The following GRID1 variants were observed in gnomAD, a reference collection of about 807,000 sequenced individuals.
GRID1 encodes the protein glutamate receptor ionotropic, delta-1.
A neutral mutation model predicts 98.0 loss-of-function variants in GRID1; 28 were observed. That is an observed-to-expected ratio of 0.29 (90% CI 0.21 to 0.39). The LOEUF (loss-of-function observed/expected upper bound fraction) is 0.39. Among genes scored for constraint, GRID1 ranks in the 10% least tolerant of loss-of-function variants. GRID1 has a pLI of 1.00. For missense variants in GRID1, 1,111 were observed against 1,340.5 expected, an observed-to-expected ratio of 0.83 and a Z score of 2.67; for synonymous variants, 553 against 538.5, an observed-to-expected ratio of 1.03 and a Z score of -0.37.
intron 2 of GRID1, among the ~76,000 whole-genome samples, chr10:86,267,560 G>T (rs1847122998): frequency 6.6e-6 from 1 of 152,230 alleles, no homozygotes; most frequent in Non-Finnish European, 1.5e-5. Context: ...ATGCAGCCTA[G>T]AGCCACCCAG....
chr10:85,731,086 G>T (rs1185941225), intron 8 of GRID1, among the ~76,000 whole-genome samples: 1 of 152,158 alleles, frequency 6.6e-6, no homozygotes, highest in Non-Finnish European at 1.5e-5. Context: ...AGCAGGGTCT[G>T]CACACTAAGC....
At chr10:85,703,484 A>C (rs573078127) in intron 12 of GRID1, among the ~76,000 whole-genome samples, 1 of 152,238 alleles carries the variant, frequency 6.6e-6, no homozygotes, top group South Asian at 2.1e-4. Context: ...GAAACATAGT[A>C]AACTGGGTCG....
At chr10:85,864,519 C>G (rs1843196437) in intron 6 of GRID1, among the ~76,000 whole-genome samples, 1 of 152,228 alleles carries the variant, frequency 6.6e-6, no homozygotes, top group Non-Finnish European at 1.5e-5. Context: ...ACAAAGCCTT[C>G]CCCACTCTCC....
intron 8 of GRID1, among the ~76,000 whole-genome samples, chr10:85,818,314 A>C (rs959968253): frequency 1.3e-5 from 2 of 151,798 alleles, no homozygotes; most frequent in African/African-American, 4.8e-5. Context: ...CTACAAATAT[A>C]CATCTACACA....
chr10:85,777,808 G>A (rs1423471237), intron 8 of GRID1, among the ~76,000 whole-genome samples: 1 of 152,170 alleles, frequency 6.6e-6, no homozygotes, highest in Non-Finnish European at 1.5e-5. Context: ...AGGAATGTTG[G>A]TTACCACAGC....
intron 3 of GRID1, among the ~76,000 whole-genome samples, chr10:86,182,958 T>C (rs1295316954): frequency 6.6e-6 from 1 of 152,174 alleles, no homozygotes; most frequent in East Asian, 1.9e-4. Flanking sequence ...GCAACGGAAT[T>C]TGTTCAACAG....
At chr10:85,902,215 T>G (rs529043315) in intron 5 of GRID1, among the ~76,000 whole-genome samples, 154 of 152,244 alleles carry the variant, frequency 1.0e-3, no homozygotes, top group African/African-American at 3.7e-3. Flanking sequence ...ATACTATAGT[T>G]TTTTCTATCT....
At chr10:85,760,393 G>A (rs1314532060) in intron 8 of GRID1, among the ~76,000 whole-genome samples, 3 of 152,168 alleles carry the variant, frequency 2.0e-5, no homozygotes, top group Admixed American at 6.5e-5. Context: ...TACTTTCTAG[G>A]TTGTTGGGAA....
At chr10:85,666,445 C>T (rs1406220053) in intron 12 of GRID1, among the ~76,000 whole-genome samples, 1 of 152,178 alleles carries the variant, frequency 6.6e-6, no homozygotes, top group Non-Finnish European at 1.5e-5. Flanking sequence ...TGCCATCCCT[C>T]CCACTGGCAG....
At chr10:85,695,324 A>G (rs944261326) in intron 12 of GRID1, among the ~76,000 whole-genome samples, 3 of 152,192 alleles carry the variant, frequency 2.0e-5, no homozygotes, top group Non-Finnish European at 4.4e-5. Context: ...GTGACATGAG[A>G]GAAGTGGGTA....
At chr10:85,665,819 C>T (rs952560292) in intron 12 of GRID1, among the ~76,000 whole-genome samples, 2 of 152,068 alleles carry the variant, frequency 1.3e-5, no homozygotes, top group South Asian at 2.1e-4. Context: ...TAAAGTGACA[C>T]CAAGGACAGG....
At chr10:86,180,709 C>T (rs1013739682) in intron 3 of GRID1, among the ~76,000 whole-genome samples, 2 of 152,170 alleles carry the variant, frequency 1.3e-5, no homozygotes, top group South Asian at 4.1e-4. Context: ...AAGGCGCTGC[C>T]TGCAGCTCAC....
At chr10:85,893,404 G>A (rs1841234049) in intron 5 of GRID1, among the ~76,000 whole-genome samples, 1 of 152,112 alleles carries the variant, frequency 6.6e-6, no homozygotes, top group Non-Finnish European at 1.5e-5. Context: ...AGAAAAATAA[G>A]TGAGAGAGAT....
intron 4 of GRID1, among the ~76,000 whole-genome samples, chr10:86,025,640 C>T (rs1009575628): frequency 1.3e-5 from 2 of 152,184 alleles, no homozygotes; most frequent in Non-Finnish European, 2.9e-5. Context: ...GTGGATGTTT[C>T]CTTCAGGTGT....
At chr10:85,897,417 C>G (rs573886111) in intron 5 of GRID1, among the ~76,000 whole-genome samples, 1 of 152,322 alleles carries the variant, frequency 6.6e-6, no homozygotes, top group South Asian at 2.1e-4. Flanking sequence ...AGGAAACCTC[C>G]AGGGAAGATG....
chr10:86,231,773 C>G (rs1235303657), intron 2 of GRID1, among the ~76,000 whole-genome samples: 1 of 152,186 alleles, frequency 6.6e-6, no homozygotes, highest in Non-Finnish European at 1.5e-5. Context: ...TCTGTGCCTC[C>G]TATTGTATTT....
intron 2 of GRID1, among the ~76,000 whole-genome samples, chr10:86,340,437 A>G (rs1848294347): frequency 6.6e-6 from 1 of 152,146 alleles, no homozygotes; most frequent in South Asian, 2.1e-4. Flanking sequence ...CCTGCCACCC[A>G]GAGGGCAGGA....
rs116072118 is a variant in GRID1, at chr10:85,612,514, C to T, written c.2601+893G>A. Among the ~76,000 whole-genome samples the T allele has an allele frequency of 2.4e-3, 370 of 152,254 alleles. 2 individuals are homozygous for T. The highest frequency in any genetic ancestry group is 8.7e-3 in the African/African-American group (360 of 41,550). On this transcript the variant is annotated intron_variant, in intron 15 of 15. Transcript: ENST00000327946. ...TTGATGCAGGTTGCTTTACCACTTC[C>T]TGTTTGAGGTTTATATCCATCTGCA...
chr10:85,892,205 T>TAA (rs758750476), intron 5 of GRID1, among the ~76,000 whole-genome samples: 145 of 83,396 alleles, frequency 1.7e-3, no homozygotes, highest in African/African-American at 5.1e-3. Flanking sequence ...ATCATGGAGA[T>TAA]AAAAAAAAAA....
Sources: allele counts gnomAD v4.1 joint callset (sites outside exome capture counted in the v4.1 genomes callset), GRCh38; gene constraint gnomAD v4.1.1; transcripts MANE v1.5; gene names NCBI Gene and HGNC (gene_info 2026-07-23, HGNC 2026-07-21).